The following GRIN2A variants were observed in gnomAD, a reference collection of about 807,000 sequenced individuals.
The protein encoded by GRIN2A is glutamate receptor ionotropic, NMDA 2A.
A neutral mutation model predicts 113.4 loss-of-function variants in GRIN2A; 22 were observed. The ratio of observed to expected loss-of-function variants is 0.19; its 90% CI spans 0.14 to 0.28. GRIN2A has a LOEUF of 0.28. GRIN2A is among the 10% of genes least tolerant of loss of function. The pLI, the probability that GRIN2A is intolerant of heterozygous loss-of-function variation, is 1.00. For missense variants in GRIN2A, 1,502 were observed against 1,887.0 expected (o/e 0.80, Z 3.78); for synonymous variants, 827 against 738.4 (o/e 1.12, Z -1.94).
At chr16:9,996,136 T>C (rs2046220531) in intron 2 of GRIN2A, among the ~76,000 whole-genome samples, 3 of 143,100 alleles carry the variant, frequency 2.1e-5, no homozygotes, top group African/African-American at 7.8e-5. Context: ...GAGAAAGAAG[T>C]ATGGAAATAA....
At chr16:9,976,771 G>A (rs1419306683) in intron 2 of GRIN2A, among the ~76,000 whole-genome samples, 1 of 152,162 alleles carries the variant, frequency 6.6e-6, no homozygotes, top group East Asian at 1.9e-4. Context: ...GTCCTCTGAA[G>A]CCATTCAGCT....
intron 2 of GRIN2A, chr16:10,112,460 C>G (rs1381282021): frequency 2.4e-6 from 2 of 843,828 alleles, no homozygotes; most frequent in East Asian, 4.9e-5. Flanking sequence ...GTGTGTCCAT[C>G]ATAGCCGATG....
At chr16:9,828,069 AG>A (rs1300070413) in intron 9 of GRIN2A, among the ~76,000 whole-genome samples, 1 of 152,190 alleles carries the variant, frequency 6.6e-6, no homozygotes, top group East Asian at 1.9e-4. Flanking sequence ...TTCCCTGAGG[AG>A]GTAATGTCTT....
chr16:9,897,240 G>A lies in GRIN2A; in HGVS notation c.1008-6140C>T, dbSNP rs143957234. ...ATATATAAAAAAATACATAAAATAC[G>A]TACATATATATACACATTTCCTCTG... is the stretch of plus-strand genomic sequence containing the variant. On this transcript the variant is annotated intron_variant, in intron 3 of 12. Transcript: ENST00000330684. Among the ~76,000 whole-genome samples the A allele has an allele frequency of 2.1e-3, 214 of 103,044 alleles. 3 individuals are homozygous for A. The highest frequency in any genetic ancestry group is 8.5e-3 in the African/African-American group (186 of 21,760). 67.6% of individuals were successfully genotyped at this position (103,044 alleles called of 152,430 possible).
intron 2 of GRIN2A, among the ~76,000 whole-genome samples, chr16:9,988,683 A>G (rs987958840): frequency 6.6e-6 from 1 of 152,206 alleles, no homozygotes; most frequent in African/African-American, 2.4e-5. Flanking sequence ...TCAAGAAGCC[A>G]TTATTATCTC....
At chr16:9,775,664 A>G (rs1901550108) in intron 11 of GRIN2A, among the ~76,000 whole-genome samples, 1 of 152,250 alleles carries the variant, frequency 6.6e-6, no homozygotes, top group African/African-American at 2.4e-5. Context: ...AGAAGCCAGA[A>G]TGCTAAGAAC....
chr16:10,001,169 G>A (rs575613449), intron 2 of GRIN2A, among the ~76,000 whole-genome samples: 1 of 152,270 alleles, frequency 6.6e-6, no homozygotes, highest in African/African-American at 2.4e-5. Flanking sequence ...TGAGCAGGAT[G>A]ATCTTGTGGG....
chr16:10,091,222 C>G (rs994419877), intron 2 of GRIN2A, among the ~76,000 whole-genome samples: 1 of 152,172 alleles, frequency 6.6e-6, no homozygotes, highest in African/African-American at 2.4e-5. Context: ...TTAAGATATA[C>G]ATCCACACAG....
rs146565258 is a variant in GRIN2A, at chr16:9,765,748, T to G, written c.2596-800A>C. On this transcript the variant is annotated intron_variant, in intron 12 of 12. Transcript: ENST00000330684. Reference sequence around the variant, plus strand: ...TCGACTCAATCTATTCCTTGTGTGTTTGTTTGTGTGTGAGTCTATTCAATG... The same window carrying G: ...TCGACTCAATCTATTCCTTGTGTGTGTGTTTGTGTGTGAGTCTATTCAATG... Among the ~76,000 whole-genome samples the G allele has an allele frequency of 8.1e-3, 1,234 of 152,258 alleles. 11 individuals carry two copies. The highest frequency in any genetic ancestry group is 0.028 in the African/African-American group (1,174 of 41,548).
intron 5 of GRIN2A, among the ~76,000 whole-genome samples, chr16:9,845,739 G>C (rs542264718): frequency 6.6e-6 from 1 of 152,174 alleles, no homozygotes; most frequent in Admixed American, 6.5e-5. Context: ...TTCTCATCCT[G>C]TATATATCAC....
At chr16:9,899,099 C>T (rs947551839) in intron 3 of GRIN2A, among the ~76,000 whole-genome samples, 8 of 151,940 alleles carry the variant, frequency 5.3e-5, no homozygotes, top group African/African-American at 7.3e-5. Flanking sequence ...TCCTGTTCCC[C>T]GTGAACAATT....
chr16:9,995,354 G>T (rs2046203005), intron 2 of GRIN2A, among the ~76,000 whole-genome samples: 1 of 152,192 alleles, frequency 6.6e-6, no homozygotes, highest in South Asian at 2.1e-4. Context: ...TTTTAAGCAG[G>T]TTCATGGAGG....
chr16:9,777,684 T>C (rs767675331), intron 11 of GRIN2A, among the ~76,000 whole-genome samples: 6 of 152,228 alleles, frequency 3.9e-5, no homozygotes, highest in East Asian at 1.9e-4. Context: ...ACTTGTCACA[T>C]TGCAGGATTT....
intron 10 of GRIN2A, among the ~76,000 whole-genome samples, chr16:9,809,822 C>CTT (rs1194555609): frequency 6.6e-6 from 1 of 152,174 alleles, no homozygotes; most frequent in African/African-American, 2.4e-5. Flanking sequence ...AATCCCAACA[C>CTT]TTTGGGAGGC....
At chr16:10,123,154 C>G (rs2048866380) in intron 2 of GRIN2A, among the ~76,000 whole-genome samples, 1 of 152,128 alleles carries the variant, frequency 6.6e-6, no homozygotes, top group African/African-American at 2.4e-5. Flanking sequence ...TTTTTGTCCT[C>G]TCACATTTGC....
At chr16:10,050,257 T>C (rs1386087872) in intron 2 of GRIN2A, among the ~76,000 whole-genome samples, 1 of 152,096 alleles carries the variant, frequency 6.6e-6, no homozygotes, top group African/African-American at 2.4e-5. Context: ...AAGGAACAAA[T>C]ACAGGTGACC....
intron 4 of GRIN2A, among the ~76,000 whole-genome samples, chr16:9,858,360 A>C (rs1231482307): frequency 6.6e-6 from 1 of 152,186 alleles, no homozygotes; most frequent in Non-Finnish European, 1.5e-5. Flanking sequence ...ACGGAAGAGG[A>C]AGTTAGGGAA....
intron 2 of GRIN2A, among the ~76,000 whole-genome samples, chr16:10,106,862 C>G (rs958744272): frequency 6.6e-6 from 1 of 152,126 alleles, no homozygotes; most frequent in Non-Finnish European, 1.5e-5. Context: ...CTGGGCTGTG[C>G]AATAAGCAGC....
At chr16:10,175,552 T>C (rs533694788) in intron 2 of GRIN2A, among the ~76,000 whole-genome samples, 1 of 152,350 alleles carries the variant, frequency 6.6e-6, no homozygotes, top group South Asian at 2.1e-4. Flanking sequence ...CTAAGTGCTC[T>C]ACAATGAAAA....
Sources: gnomAD v4.1 joint callset for allele counts (sites outside exome capture counted in the v4.1 genomes callset) on GRCh38, gnomAD v4.1.1 for gene constraint, MANE v1.5 for transcripts, NCBI Gene and HGNC (gene_info 2026-07-23, HGNC 2026-07-21) for gene names.